E2F3: variants seen among roughly 807,000 people sequenced by gnomAD.
The protein encoded by E2F3 is transcription factor E2F3.
In E2F3, 11 loss-of-function variants were observed where a neutral mutation model predicts 44.4. The observed-to-expected ratio is 0.25, with a 90% CI of 0.16 to 0.41. The LOEUF is 0.41. Among genes scored for constraint, E2F3 ranks in the 10% least tolerant of loss-of-function variants. The probability of loss-of-function intolerance (pLI) is 1.00; values close to 1 mark genes in which losing one functional copy is unlikely to be tolerated. For missense variants in E2F3, 487 were observed against 583.6 expected (o/e 0.83, Z 1.70); for synonymous variants, 249 against 253.0 (o/e 0.98, Z 0.15).
At chr6:20,451,680 T>TA (rs1761136221) in intron 1 of E2F3, among the ~76,000 whole-genome samples, 1 of 152,170 alleles carries the variant, frequency 6.6e-6, no homozygotes, top group African/African-American at 2.4e-5. Flanking sequence ...CATTCAGTAT[T>TA]ATGTTGGCTG....
chr6:20,423,713 C>T (rs113843225), intron 1 of E2F3, among the ~76,000 whole-genome samples: 27,046 of 151,968 alleles, frequency 0.18, 3,001 homozygotes, highest in South Asian at 0.31. Flanking sequence ...TCGTGATCTG[C>T]CTGCCTCGGC....
chr6:20,450,945 C>T (rs188302522), intron 1 of E2F3, among the ~76,000 whole-genome samples: 21 of 152,150 alleles, frequency 1.4e-4, no homozygotes, highest in Admixed American at 5.2e-4. Flanking sequence ...TGTAGGTGTG[C>T]GGCCTTACTT....
At chr6:20,420,137 G>A (rs950106049) in intron 1 of E2F3, among the ~76,000 whole-genome samples, 2 of 152,034 alleles carry the variant, frequency 1.3e-5, no homozygotes, top group Non-Finnish European at 2.9e-5. Context: ...CACCACCACC[G>A]CTACTATTAC....
At chr6:20,416,307 C>A (rs1316994100) in intron 1 of E2F3, among the ~76,000 whole-genome samples, 1 of 152,168 alleles carries the variant, frequency 6.6e-6, no homozygotes, top group African/African-American at 2.4e-5. Context: ...CAGTTTCAAC[C>A]ACAGGGCCGG....
chr6:20,447,303 C>T (rs185199446), intron 1 of E2F3, among the ~76,000 whole-genome samples: 4 of 151,632 alleles, frequency 2.6e-5, no homozygotes, highest in Non-Finnish European at 4.4e-5. Flanking sequence ...AGCAGTACTA[C>T]GTTATTAGTG....
At chr6:20,452,991 TTTTGTTTGTTTGTTTG>T (rs138463851) in intron 1 of E2F3, among the ~76,000 whole-genome samples, 1 of 151,048 alleles carries the variant, frequency 6.6e-6, no homozygotes, top group Non-Finnish European at 1.5e-5. Flanking sequence ...GTTTCTTTCT[TTTTGTTTGTTTGTTTG>T]TTTGTTTGTT....
intron 1 of E2F3, among the ~76,000 whole-genome samples, chr6:20,404,346 C>A (rs1367545531): frequency 6.6e-6 from 1 of 152,186 alleles, no homozygotes; most frequent in Non-Finnish European, 1.5e-5. Flanking sequence ...GGAGGTCTCC[C>A]CTTTCTCCTT....
At position 20,491,052 on chromosome 6, in the gene E2F3, T is replaced by C. The variant is rs1361818252; in HGVS notation, c.*622T>C. The C allele has an allele frequency of 8.7e-6, 2 of 229,186 alleles. No homozygotes were observed. Among genetic ancestry groups the C allele is most frequent in the African/African-American group, 4.4e-5 (2 of 45,102 alleles). 14.2% of individuals were successfully genotyped at this position (229,186 alleles called of 1,614,324 possible). A position where few individuals can be genotyped will look rare whatever the true frequency, so the allele number is the denominator to read the frequency against. The stretch of plus-strand genomic sequence containing the variant: ...AAGAAAACCTCCACAGCCTTCTGGA[T>C]GAAGAACCTGTTTTCAAATATACTT... On this transcript the variant is annotated 3_prime_UTR_variant, in exon 7 of 7. Coordinates refer to ENST00000346618, the MANE Select transcript of E2F3 (RefSeq NM_001949.5).
intron 1 of E2F3, among the ~76,000 whole-genome samples, chr6:20,469,294 C>T (rs866900604): frequency 9.2e-5 from 14 of 152,020 alleles, no homozygotes; most frequent in Middle Eastern, 3.2e-3. Flanking sequence ...AGATGGGTAT[C>T]GTATCATTGA....
chr6:20,433,933 C>T (rs1760491569), intron 1 of E2F3, among the ~76,000 whole-genome samples: 1 of 152,144 alleles, frequency 6.6e-6, no homozygotes, highest in Admixed American at 6.5e-5. Context: ...GTCCCCACCC[C>T]CTGCTCTGGG....
chr6:20,465,152 A>G (rs1761658759), intron 1 of E2F3, among the ~76,000 whole-genome samples: 1 of 152,176 alleles, frequency 6.6e-6, no homozygotes. Context: ...CGATTTTCCC[A>G]CTTGTGTCCA....
intron 1 of E2F3, among the ~76,000 whole-genome samples, chr6:20,424,213 G>A (rs6909794): frequency 0.023 from 1,695 of 72,392 alleles, 41 homozygotes; most frequent in African/African-American, 0.18. Flanking sequence ...GTGGAAGGGT[G>A]TGTGTGTGTG....
At chr6:20,439,796 G>A (rs1760713764) in intron 1 of E2F3, among the ~76,000 whole-genome samples, 1 of 152,112 alleles carries the variant, frequency 6.6e-6, no homozygotes, top group Non-Finnish European at 1.5e-5. Flanking sequence ...CCAGAACATT[G>A]GGGTTACAAG....
At chr6:20,449,989 A>G (rs1012809276) in intron 1 of E2F3, among the ~76,000 whole-genome samples, 1 of 152,142 alleles carries the variant, frequency 6.6e-6, no homozygotes, top group Non-Finnish European at 1.5e-5. Flanking sequence ...CGAGGTATAT[A>G]TGTACCACAT....
chr6:20,447,185 G>A lies in E2F3; in HGVS notation c.394-32661G>A, dbSNP rs897081561. Among the ~76,000 whole-genome samples the A allele has an allele frequency of 2.0e-5, 3 of 152,186 alleles. No individual in the cohort carries two copies. The East Asian group carries it at 5.8e-4, about 29-fold the overall frequency. On this transcript the variant is annotated intron_variant, in intron 1 of 6. Coordinates refer to ENST00000346618, the MANE Select transcript of E2F3 (RefSeq NM_001949.5). ...TTGTCCTGTTTAGTGTCATACTGAAGAAGAGTATGACCAGCCAGTGCTGGG... is the reference window on the plus strand; with the variant it reads ...TTGTCCTGTTTAGTGTCATACTGAAAAAGAGTATGACCAGCCAGTGCTGGG...
intron 1 of E2F3, among the ~76,000 whole-genome samples, chr6:20,418,275 C>T (rs929503387): frequency 6.6e-6 from 1 of 152,188 alleles, no homozygotes; most frequent in Non-Finnish European, 1.5e-5. Context: ...AAATATTTGT[C>T]AGATGGAACT....
intron 1 of E2F3, among the ~76,000 whole-genome samples, chr6:20,469,800 ATTC>A (rs1341825478): frequency 6.6e-6 from 1 of 152,186 alleles, no homozygotes; most frequent in Admixed American, 6.5e-5. Flanking sequence ...TTCACCAGTT[ATTC>A]TTCTCTGAGA....
rs776215594 is a variant in E2F3 at position 20,402,496 on chromosome 6, C to A, written c.264C>A (p.Ala88=). The A allele has an allele frequency of 6.2e-7, 1 of 1,606,514 alleles. No individual in the cohort carries two copies. Among genetic ancestry groups the A allele is most frequent in the South Asian group, 1.1e-5 (1 of 91,028 alleles). The change falls in exon 1 of 7, where the codon GCC becomes GCA. Residue 88 remains alanine, a synonymous_variant. Coordinates refer to ENST00000346618, the MANE Select transcript of E2F3 (RefSeq NM_001949.5). This position sits in a 1 kb window ranked among gnomAD's most constrained non-coding sequence, Gnocchi z 5.6. ...AVAAGPLLPS[A]PGAEQTAGSL... The stretch of plus-strand genomic sequence containing the variant: ...CCGCCGGCCCCCTCCTCCCCAGTGC[C>A]CCCGGCGCGGAGCAGACCGCCGGCA...
chr6:20,445,627 G>C (rs1320417386), intron 1 of E2F3, among the ~76,000 whole-genome samples: 1 of 152,084 alleles, frequency 6.6e-6, no homozygotes, highest in Non-Finnish European at 1.5e-5. Flanking sequence ...AATTCGTTTT[G>C]TCATCACTCT....
Sources: gnomAD v4.1 joint callset for allele counts (sites outside exome capture counted in the v4.1 genomes callset) on GRCh38, gnomAD v4.1.1 for gene constraint, Gnocchi (gnomAD v3.1) non-coding constraint, MANE v1.5 for transcripts, NCBI Gene and HGNC (gene_info 2026-07-23, HGNC 2026-07-21) for gene names.